Variants in C8orf34 observed in about 807,000 individuals in gnomAD.
C8orf34 encodes the protein uncharacterized protein C8orf34.
In C8orf34, 65 loss-of-function variants were observed where a neutral mutation model predicts 68.3. The observed-to-expected ratio is 0.95, with a 90% CI of 0.78 to 1.17. C8orf34 has a LOEUF of 1.17. C8orf34 is among the 50% of genes most tolerant of loss of function. The pLI is 0.00. For synonymous variants in C8orf34, 244 were observed against 241.2 expected, an observed-to-expected ratio of 1.01 and a Z score of -0.11; for missense variants, 664 against 655.4, an observed-to-expected ratio of 1.01 and a Z score of -0.14.
At chr8:68,465,864 A>G (rs1034753997) in intron 3 of C8orf34, among the ~76,000 whole-genome samples, 12 of 152,072 alleles carry the variant, frequency 7.9e-5, no homozygotes, top group Admixed American at 6.5e-4. Context: ...TGACGAGTTA[A>G]TGGGTGCAGC....
chr8:68,626,284 C>T (rs1818535827), intron 7 of C8orf34, among the ~76,000 whole-genome samples: 1 of 152,104 alleles, frequency 6.6e-6, no homozygotes, highest in Non-Finnish European at 1.5e-5. Context: ...GAGATGTTCA[C>T]CATCCAAATC....
At chr8:68,619,921 C>A (rs1818339134) in intron 7 of C8orf34, among the ~76,000 whole-genome samples, 1 of 152,174 alleles carries the variant, frequency 6.6e-6, no homozygotes, top group East Asian at 1.9e-4. Context: ...GATAAATGTT[C>A]TCATTTACTC....
At chr8:68,790,852 A>G (rs1230155237) in intron 12 of C8orf34, 3 of 701,396 alleles carry the variant, frequency 4.3e-6, no homozygotes, top group Non-Finnish European at 7.8e-6. Context: ...GGGACTCTGA[A>G]TTCTGCATTT....
intron 9 of C8orf34, among the ~76,000 whole-genome samples, chr8:68,717,246 A>G (rs746763858): frequency 1.3e-5 from 2 of 152,122 alleles, no homozygotes; most frequent in Non-Finnish European, 2.9e-5. Context: ...TATGTTCTTT[A>G]GGAAAACATA....
At chr8:68,601,784 G>A (rs1817706230) in intron 7 of C8orf34, among the ~76,000 whole-genome samples, 1 of 151,966 alleles carries the variant, frequency 6.6e-6, no homozygotes, top group African/African-American at 2.4e-5. Context: ...CTGATTCTTG[G>A]TATGAAGACT....
intron 7 of C8orf34, among the ~76,000 whole-genome samples, chr8:68,570,043 T>C (rs1332222248): frequency 6.6e-6 from 1 of 152,192 alleles, no homozygotes; most frequent in Non-Finnish European, 1.5e-5. Flanking sequence ...TTTTTCATGC[T>C]CTTATATTCC....
chr8:68,758,449 CTTAGTCTGCAGTGGTCT>C (rs1267812334), intron 10 of C8orf34, among the ~76,000 whole-genome samples: 1 of 152,138 alleles, frequency 6.6e-6, no homozygotes, highest in Non-Finnish European at 1.5e-5. Context: ...AGCCGTACTC[CTTAGTCTGCAGTGGTCT>C]TGGCTGGGAA....
chr8:68,538,408 C>T (rs1277530874), intron 7 of C8orf34, among the ~76,000 whole-genome samples: 1 of 151,660 alleles, frequency 6.6e-6, no homozygotes, highest in African/African-American at 2.4e-5. Context: ...TACATATGAC[C>T]TTCCTACTCA....
intron 3 of C8orf34, among the ~76,000 whole-genome samples, chr8:68,463,039 G>A (rs188499225): frequency 0.013 from 2,008 of 151,964 alleles, 49 homozygotes; most frequent in South Asian, 0.054. Flanking sequence ...TTGATAGACC[G>A]CTAGCAAGAC....
rs1025814949 is a variant in C8orf34, at chr8:68,368,328, G to A, written c.327+36989G>A. Among the ~76,000 whole-genome samples, 7 of 152,010 alleles carry A rather than the reference G, an allele frequency of 4.6e-5. No individual in the cohort carries two copies. In the South Asian group the frequency reaches 6.2e-4, roughly 14 times the overall value. Reference sequence around the variant, plus strand: ...AAGAGGCATATTGTTTGCAGAAATGGCAGTTTTGTTTCTTTCTGTCTAGTT... The same window carrying A: ...AAGAGGCATATTGTTTGCAGAAATGACAGTTTTGTTTCTTTCTGTCTAGTT... On this transcript the variant is annotated intron_variant, in intron 1 of 13. Coordinates refer to ENST00000518698, the MANE Select transcript of C8orf34 (RefSeq NM_052958.4).
At chr8:68,419,148 C>T (rs1291498174) in intron 1 of C8orf34, among the ~76,000 whole-genome samples, 3 of 151,974 alleles carry the variant, frequency 2.0e-5, no homozygotes, top group Non-Finnish European at 4.4e-5. Context: ...AAAAACAACC[C>T]CATCAAGAAG....
intron 11 of C8orf34, among the ~76,000 whole-genome samples, chr8:68,782,097 T>C (rs1823693266): frequency 6.6e-6 from 1 of 152,238 alleles, no homozygotes; most frequent in Non-Finnish European, 1.5e-5. Flanking sequence ...ATGATCACTT[T>C]AAATTTTTCT....
chr8:68,358,588 T>TTGCCAGCTTTGTTTCTG (rs1010807845), intron 1 of C8orf34, among the ~76,000 whole-genome samples: 2 of 152,126 alleles, frequency 1.3e-5, no homozygotes, highest in African/African-American at 4.8e-5. Flanking sequence ...GAACAGGACT[T>TTGCCAGCTTTGTTTCTG]TGCCAGCTTT....
intron 10 of C8orf34, among the ~76,000 whole-genome samples, chr8:68,737,971 A>G (rs145189504): frequency 6.6e-6 from 1 of 152,282 alleles, no homozygotes; most frequent in East Asian, 1.9e-4. Flanking sequence ...AACAGAATAT[A>G]CATTCTTCTT....
intron 1 of C8orf34, among the ~76,000 whole-genome samples, chr8:68,425,777 G>T (rs1015212768): frequency 4.7e-5 from 7 of 149,378 alleles, no homozygotes; most frequent in African/African-American, 1.2e-4. Context: ...TGATTTCAAA[G>T]GATAAGATAT....
intron 1 of C8orf34, among the ~76,000 whole-genome samples, chr8:68,400,592 G>T (rs1468215366): frequency 6.6e-6 from 1 of 152,028 alleles, no homozygotes; most frequent in Non-Finnish European, 1.5e-5. Flanking sequence ...GCAGAATCTT[G>T]CTCTGTCATC....
intron 7 of C8orf34, chr8:68,534,130 C>T: frequency 2.0e-6 from 2 of 981,792 alleles, no homozygotes; most frequent in Non-Finnish European, 2.4e-6. Flanking sequence ...TGATATATTG[C>T]TTATCATTTT....
chr8:68,475,994 A>C (rs569488961), intron 4 of C8orf34, among the ~76,000 whole-genome samples: 21 of 152,316 alleles, frequency 1.4e-4, no homozygotes, highest in Admixed American at 1.3e-3. Flanking sequence ...AGCAACCTGC[A>C]CTCAGCCAAG....
Position 68,684,978 on chromosome 8 carries a change from T to A in C8orf34, c.1242-24016T>A, listed in dbSNP as rs374113605. ...TGGTTTATTATAAATTATGTTTCAT[T>A]AATATACAACAGGTAAAATTAGAAC... On this transcript the variant is annotated intron_variant, in intron 8 of 13. Coordinates refer to ENST00000518698, the MANE Select transcript of C8orf34 (RefSeq NM_052958.4). Among the ~76,000 whole-genome samples the A allele has an allele frequency of 2.0e-5, 3 of 152,220 alleles. No homozygotes were observed. The South Asian group carries it at 6.2e-4, about 32-fold the overall frequency.
Sources: allele counts gnomAD v4.1 joint callset (sites outside exome capture counted in the v4.1 genomes callset), GRCh38; gene constraint gnomAD v4.1.1; transcripts MANE v1.5; gene names NCBI Gene and HGNC (gene_info 2026-07-23, HGNC 2026-07-21).